Variants in GALNT13 observed in about 807,000 individuals in gnomAD.
GALNT13 encodes UDP-GalNAc:polypeptide N-acetylgalactosaminyltransferase 13.
Under a neutral mutation model 64.2 loss-of-function variants are expected in GALNT13, and 28 were observed. The ratio of observed to expected loss-of-function variants is 0.44; its 90% CI spans 0.32 to 0.60. The LOEUF is 0.60. Ranked by LOEUF, GALNT13 falls within the 20% of genes least tolerant of loss-of-function variation. The pLI is 0.05. For missense variants in GALNT13, 577 were observed against 669.8 expected, an observed-to-expected ratio of 0.86 and a Z score of 1.53; for synonymous variants, 214 against 224.6, an observed-to-expected ratio of 0.95 and a Z score of 0.42.
At chr2:153,635,977 A>T in the GALNT13 span, among the ~76,000 whole-genome samples, 1 of 152,138 alleles carries the variant, frequency 6.6e-6, no homozygotes, top group Admixed American at 6.5e-5. Context: ...GTAAACTTGA[A>T]GGATGTATGT....
chr2:153,302,395 A>G, the GALNT13 span, among the ~76,000 whole-genome samples: 2 of 151,942 alleles, frequency 1.3e-5, no homozygotes, highest in Non-Finnish European at 2.9e-5. Flanking sequence ...TTTTTAAATC[A>G]GGGTTTTGTT....
chr2:153,522,003 T>C, the GALNT13 span, among the ~76,000 whole-genome samples: 1 of 152,090 alleles, frequency 6.6e-6, no homozygotes, highest in Admixed American at 6.6e-5. Context: ...CCTATAAACA[T>C]CTGTATGCAT....
At chr2:153,800,045 GCTCTCTCTCTCTCTCT>G in the GALNT13 span, among the ~76,000 whole-genome samples, 16 of 118,918 alleles carry the variant, frequency 1.3e-4, 1 homozygote, top group Admixed American at 4.1e-4. Context: ...CATTTAGTTT[GCTCTCTCTCTCTCTCT>G]CTCTCTCTCT....
chr2:153,217,476 A>T, the GALNT13 span, among the ~76,000 whole-genome samples: 2 of 152,018 alleles, frequency 1.3e-5, no homozygotes, highest in East Asian at 3.9e-4. Flanking sequence ...AGATGGTTTG[A>T]TAGTGTCCCA....
At chr2:153,243,840 C>T in the GALNT13 span, among the ~76,000 whole-genome samples, 1 of 151,774 alleles carries the variant, frequency 6.6e-6, no homozygotes, top group Admixed American at 6.6e-5. Context: ...AGAATCTGAG[C>T]CCATGTACCT....
chr2:153,958,549 C>T (rs186933180), intron 3 of GALNT13, among the ~76,000 whole-genome samples: 1 of 152,270 alleles, frequency 6.6e-6, no homozygotes, highest in African/African-American at 2.4e-5. Flanking sequence ...TGAATTTGCT[C>T]CATTGGCCTA....
At chr2:154,293,314 C>G (rs910046074) in intron 8 of GALNT13, among the ~76,000 whole-genome samples, 1 of 152,072 alleles carries the variant, frequency 6.6e-6, no homozygotes, top group Non-Finnish European at 1.5e-5. Flanking sequence ...AGCTAATAGA[C>G]TATTATTTTA....
chr2:153,303,235 T>G, the GALNT13 span, among the ~76,000 whole-genome samples: 1 of 152,118 alleles, frequency 6.6e-6, no homozygotes, highest in East Asian at 1.9e-4. Flanking sequence ...GTTTTATATT[T>G]TTTAGTGTAC....
At chr2:154,321,368 C>T (rs961364472) in intron 9 of GALNT13, among the ~76,000 whole-genome samples, 2 of 152,104 alleles carry the variant, frequency 1.3e-5, no homozygotes, top group African/African-American at 4.8e-5. Flanking sequence ...CCCGTAGCTG[C>T]TTTCAATGAA....
At chr2:154,446,425 G>A in intron 12 of GALNT13, 2 of 782,476 alleles carry the variant, frequency 2.6e-6, no homozygotes, top group Non-Finnish European at 1.8e-6. Flanking sequence ...AAAAAATGTG[G>A]CTCACAGCTC....
chr2:153,867,141 T>C (rs1685781158), upstream of GALNT13, among the ~76,000 whole-genome samples: 1 of 152,236 alleles, frequency 6.6e-6, no homozygotes, highest in Admixed American at 6.5e-5. Context: ...TTTATGTTGC[T>C]AAATCTTTGT....
At chr2:153,623,699 T>A in the GALNT13 span, among the ~76,000 whole-genome samples, 1 of 152,070 alleles carries the variant, frequency 6.6e-6, no homozygotes, top group East Asian at 1.9e-4. Flanking sequence ...TTATTTAAAA[T>A]TTTTAGCTTG....
intron 8 of GALNT13, among the ~76,000 whole-genome samples, chr2:154,288,978 C>G (rs955321199): frequency 1.3e-5 from 2 of 152,354 alleles, no homozygotes; most frequent in African/African-American, 4.8e-5. Context: ...CCCCACATTT[C>G]CCTTCCACAC....
At chr2:153,390,960 T>G in the GALNT13 span, among the ~76,000 whole-genome samples, 1 of 152,004 alleles carries the variant, frequency 6.6e-6, no homozygotes, top group Non-Finnish European at 1.5e-5. Context: ...GTAAGGAGAA[T>G]TGGGAGGGCC....
chr2:153,950,444 C>T (rs1009487592), intron 3 of GALNT13, among the ~76,000 whole-genome samples: 6 of 151,998 alleles, frequency 3.9e-5, no homozygotes, highest in East Asian at 3.9e-4. Flanking sequence ...TTGGCAAAAA[C>T]TATAAATGGC....
At chr2:153,808,067 A>G in the GALNT13 span, among the ~76,000 whole-genome samples, 10 of 152,170 alleles carry the variant, frequency 6.6e-5, no homozygotes, top group Non-Finnish European at 1.5e-4. Context: ...ACAAAGTGCA[A>G]AGTCAATGCA....
the GALNT13 span, among the ~76,000 whole-genome samples, chr2:153,431,940 A>T: frequency 6.6e-6 from 1 of 152,222 alleles, no homozygotes; most frequent in Admixed American, 6.5e-5. Flanking sequence ...TTGCAGCTGT[A>T]ATAGCTCCTA....
chr2:154,240,571 C>T (rs1425944717), intron 4 of GALNT13, among the ~76,000 whole-genome samples: 6 of 152,168 alleles, frequency 3.9e-5, no homozygotes, highest in African/African-American at 9.7e-5. Flanking sequence ...TTCTTCAGTG[C>T]CCCTCTGCTC....
chr2:153,404,409 T>C, the GALNT13 span, among the ~76,000 whole-genome samples: 1 of 152,192 alleles, frequency 6.6e-6, no homozygotes, highest in African/African-American at 2.4e-5. Context: ...CCCTGGACTT[T>C]TATTATGTGA....
Sources: allele counts gnomAD v4.1 joint callset (sites outside exome capture counted in the v4.1 genomes callset), GRCh38; gene constraint gnomAD v4.1.1; transcripts MANE v1.5; gene names NCBI Gene and HGNC (gene_info 2026-07-23, HGNC 2026-07-21).